The following ZFYVE26 variants were observed in gnomAD, a reference collection of about 807,000 sequenced individuals.
ZFYVE26 encodes the protein zinc finger FYVE-type containing 26, also known as zinc finger FYVE domain-containing protein 26.
ZFYVE26 carries 181 observed loss-of-function variants against 276.5 expected under a neutral mutation model. The observed-to-expected ratio is 0.65, with a 90% CI of 0.58 to 0.74. ZFYVE26 has a LOEUF of 0.74. Ranked by LOEUF, ZFYVE26 falls within the 30% of genes least tolerant of loss-of-function variation. ZFYVE26 has a pLI of 0.00. For missense variants in ZFYVE26, 2,821 were observed against 3,097.9 expected (o/e 0.91, Z 2.12); for synonymous variants, 1,129 against 1,203.1 (o/e 0.94, Z 1.27).
intron 20 of ZFYVE26, among the ~76,000 whole-genome samples, chr14:67,784,117 C>A (rs1330039437): frequency 6.6e-6 from 1 of 152,152 alleles, no homozygotes; most frequent in Non-Finnish European, 1.5e-5. Context: ...GAGTCACCCA[C>A]TGATTTCATA....
In ZFYVE26 at chr14:67,807,938, A is replaced by T; in HGVS notation, c.364-18T>A. 1 of 1,614,076 alleles carries T rather than the reference A, an allele frequency of 6.2e-7. No homozygotes were observed. ...TACAGCTCCTAAATAGAGGATGAAG[A>T]AAAGGATGGGTGGTGGGCATGCCTG... On this transcript the variant is annotated intron_variant, in intron 4 of 41. Transcript: ENST00000347230.
chr14:67,781,506 A>C lies in ZFYVE26; in HGVS notation c.4396T>G (p.Phe1466Val). Residue 1466 changes from phenylalanine (F) to valine (V), a missense_variant, in exon 22 of 42, where the codon TTT (phenylalanine) becomes GTT (valine). Phe to Val is a conservative substitution (Grantham distance 50). Transcript: ENST00000347230. ...CTCAGAGATGCATCCTTCACGGGAA[A>C]CAGGTATTGCCAACCTTCTTTGTCT... is the stretch of plus-strand genomic sequence containing the variant. The part of the protein sequence containing the change: ...ACDKEGWQYL[F>V]PVKDASLRSR... 1 of 1,614,186 alleles carries C rather than the reference A, an allele frequency of 6.2e-7. No homozygotes were observed. The highest frequency in any genetic ancestry group is 8.5e-7 in the Non-Finnish European group (1 of 1,180,042).
chr14:67,787,014 GA>G, intron 16 of ZFYVE26, among the ~76,000 whole-genome samples: 1 of 152,178 alleles, frequency 6.6e-6, no homozygotes, highest in East Asian at 1.9e-4. Flanking sequence ...TGGAGATAGA[GA>G]ATAGAAGGAT....
At chr14:67,767,923 A>G in intron 30 of ZFYVE26, 83 bp from the exon 31 acceptor site, 1 of 1,592,126 alleles carries the variant, frequency 6.3e-7, no homozygotes. Context: ...CATGAGTTGC[A>G]GGTAGACACT....
chr14:67,767,994 C>T (rs2039103352), intron 30 of ZFYVE26, among the ~76,000 whole-genome samples, 154 bp from the exon 31 acceptor site: 1 of 152,158 alleles, frequency 6.6e-6, no homozygotes, highest in South Asian at 2.1e-4. Flanking sequence ...TTTAGGACAC[C>T]CCACTAAGCA....
intron 41 of ZFYVE26, 43 bp from the exon 42 acceptor site, chr14:67,748,682 C>T (rs372502591): frequency 8.0e-5 from 128 of 1,605,154 alleles, no homozygotes; most frequent in South Asian, 1.8e-4. Context: ...CATCCATCAC[C>T]GACAAATCAA....
At chr14:67,733,638 C>A (rs566970190) in intron 13 of ZFYVE26, 5 of 739,394 alleles carry the variant, frequency 6.8e-6, no homozygotes, top group African/African-American at 5.3e-5. Flanking sequence ...TTGAGTCTGG[C>A]ATATATTGTA....
At chr14:67,774,948 T>C in intron 27 of ZFYVE26, 68 bp downstream of exon 27, 1 of 985,028 alleles carries the variant, frequency 1.0e-6, no homozygotes, top group Non-Finnish European at 1.5e-6. Context: ...AAAAAAAAAA[T>C]TCTGAAGGAT....
chr14:67,735,152 G>T, intron 13 of ZFYVE26: 1 of 906,936 alleles, frequency 1.1e-6, no homozygotes, highest in Non-Finnish European at 1.9e-6. Context: ...ACATGTTGTT[G>T]GCATTTTCAG....
chr14:67,807,227 G>A (rs895524391), intron 5 of ZFYVE26, among the ~76,000 whole-genome samples, 171 bp downstream of exon 5: 2 of 152,176 alleles, frequency 1.3e-5, no homozygotes, highest in Admixed American at 6.5e-5. Flanking sequence ...TTACAGGCCT[G>A]AGCCACCATG....
At chr14:67,783,741 A>G (rs2039575198) in intron 20 of ZFYVE26, among the ~76,000 whole-genome samples, 1 of 152,204 alleles carries the variant, frequency 6.6e-6, no homozygotes, top group Non-Finnish European at 1.5e-5. Context: ...ATCCCTCTAC[A>G]GAGAGGACCC....
At chr14:67,770,095 C>T (rs1404010467) in intron 28 of ZFYVE26, 6 of 307,520 alleles carry the variant, frequency 2.0e-5, no homozygotes, top group Admixed American at 1.8e-4. Context: ...AAAAGTATCC[C>T]TTTCAAAATG....
downstream of ZFYVE26, among the ~76,000 whole-genome samples, chr14:67,744,308 A>G (rs1165668602): frequency 1.3e-5 from 2 of 152,188 alleles, no homozygotes; most frequent in Non-Finnish European, 2.9e-5. Flanking sequence ...CTGTTGTGAC[A>G]TATCTTTGTG....
In ZFYVE26 at chr14:67,747,836, G is replaced by C. The variant is rs2038523725; in HGVS notation, c.*600C>G. 6.4e-6 allele frequency: 1 copy of C among 156,998 alleles called. No homozygotes were observed. Among genetic ancestry groups the C allele is most frequent in the African/African-American group, 2.4e-5 (1 of 41,442 alleles). 9.7% of individuals were successfully genotyped at this position (156,998 alleles called of 1,614,324 possible). On this transcript the variant is annotated 3_prime_UTR_variant, in exon 42 of 42. Coordinates refer to ENST00000347230, the MANE Select transcript of ZFYVE26 (RefSeq NM_015346.4). ...CCAGGACTTCTTGTGCTTGGGAGAA[G>C]AGACACCTGGAAAACAGGTTTATTC... is the stretch of plus-strand genomic sequence containing the variant.
chr14:67,794,149 C>T (rs1234510086), intron 13 of ZFYVE26, 22 bp downstream of exon 13: 1 of 1,613,370 alleles, frequency 6.2e-7, no homozygotes, highest in Admixed American at 1.7e-5. Context: ...TCAAAGTTGG[C>T]AACTGGTGGA....
In ZFYVE26 at chr14:67,781,419, C is replaced by T. The variant is rs1566881150; in HGVS notation, c.4483G>A (p.Ala1495Thr). The T allele has an allele frequency of 6.2e-7, 1 of 1,614,190 alleles. No homozygotes were observed. The highest frequency in any genetic ancestry group is 8.5e-7 in the Non-Finnish European group (1 of 1,180,040). ...ACAGCCGTGTCTGAAATGCAGTAGG[C>T]CAGAATCTCCAGGCATGACTCCAGG... ...WPLESCLEILAYCISDTAVQE... is the reference protein window; with the variant it reads ...WPLESCLEILTYCISDTAVQE... The change falls in exon 22 of 42, where the codon GCC becomes ACC. Residue 1495 changes from alanine to threonine, a missense_variant. Physicochemically the swap from Ala to Thr is moderately conservative, Grantham distance 58. Transcript: ENST00000347230.
At chr14:67,729,263 T>A (rs781099767) in exon 14 of ZFYVE26, 2 of 1,607,930 alleles carry the variant, frequency 1.2e-6, no homozygotes. Context: ...TCCTCCCTGC[T>A]CTGCCTGCTC....
At chr14:67,791,007 A>T (rs2039799933) in intron 14 of ZFYVE26, among the ~76,000 whole-genome samples, 1 of 152,252 alleles carries the variant, frequency 6.6e-6, no homozygotes, top group African/African-American at 2.4e-5. Context: ...GGACAATTTC[A>T]GAGGAAATAT....
chr14:67,761,266 G>A, intron 35 of ZFYVE26, 100 bp downstream of exon 35: 2 of 1,108,318 alleles, frequency 1.8e-6, no homozygotes, highest in Non-Finnish European at 2.7e-6. Flanking sequence ...GCTCAACACA[G>A]GGTTAAGTGT....
Sources: gnomAD v4.1 joint callset for allele counts (sites outside exome capture counted in the v4.1 genomes callset) on GRCh38, gnomAD v4.1.1 for gene constraint, MANE v1.5 for transcripts, NCBI Gene and HGNC (gene_info 2026-07-23, HGNC 2026-07-21) for gene names.